The following NRXN3 variants were observed in gnomAD, a reference collection of about 807,000 sequenced individuals.
The protein encoded by NRXN3 is neurexin 3.
Under a neutral mutation model 137.6 loss-of-function variants are expected in NRXN3, and 32 were observed. That is an observed-to-expected ratio of 0.23 (90% CI 0.18 to 0.31). The LOEUF (loss-of-function observed/expected upper bound fraction) is 0.31. NRXN3 is among the 10% of genes least tolerant of loss of function. NRXN3 has a pLI of 1.00. For missense variants in NRXN3, 1,574 were observed against 2,062.5 expected (o/e 0.76, Z 4.59); for synonymous variants, 798 against 784.5 (o/e 1.02, Z -0.29).
intron 16 of NRXN3, among the ~76,000 whole-genome samples, chr14:79,497,098 G>A (rs971536317): frequency 1.2e-4 from 18 of 152,126 alleles, no homozygotes; most frequent in African/African-American, 3.1e-4. Flanking sequence ...AACCTGGTCC[G>A]GACCTTGGGT....
chr14:79,547,089 C>T (rs541435250), intron 16 of NRXN3, among the ~76,000 whole-genome samples: 19 of 152,286 alleles, frequency 1.2e-4, no homozygotes, highest in Admixed American at 2.6e-4. Context: ...CTCCTATAGA[C>T]CAAGCCCTGT....
intron 1 of NRXN3, among the ~76,000 whole-genome samples, chr14:78,173,721 T>TTTTTTTTTTTTTTTTTTTC: frequency 1.4e-5 from 2 of 141,122 alleles, no homozygotes; most frequent in Non-Finnish European, 3.1e-5. Flanking sequence ...TTTTTTTTTT[T>TTTTTTTTTTTTTTTTTTTC]TTTGCAACAC....
intron 15 of NRXN3, among the ~76,000 whole-genome samples, chr14:79,144,594 A>C (rs535021822): frequency 6.6e-6 from 1 of 152,186 alleles, no homozygotes; most frequent in Non-Finnish European, 1.5e-5. Flanking sequence ...AAGATTTTTC[A>C]TTAAGTTTTG....
chr14:78,284,022 A>G (rs1179080316), intron 3 of NRXN3, among the ~76,000 whole-genome samples: 1 of 152,216 alleles, frequency 6.6e-6, no homozygotes, highest in Non-Finnish European at 1.5e-5. Context: ...AACCTACCTC[A>G]TGGAGTTGTT....
intron 15 of NRXN3, among the ~76,000 whole-genome samples, chr14:79,064,553 C>CATT (rs2099678312): frequency 6.6e-6 from 1 of 151,684 alleles, no homozygotes; most frequent in African/African-American, 2.4e-5. Flanking sequence ...AGGGACTGGA[C>CATT]TCAGCATTTT....
At chr14:79,374,623 A>G (rs1334743562) in intron 15 of NRXN3, among the ~76,000 whole-genome samples, 1 of 151,986 alleles carries the variant, frequency 6.6e-6, no homozygotes, top group Non-Finnish European at 1.5e-5. Flanking sequence ...ATCCCTTTGT[A>G]TTGACCTCAA....
chr14:79,340,163 GTGT>G (rs2092519784), intron 15 of NRXN3, among the ~76,000 whole-genome samples: 1 of 5,776 alleles, frequency 1.7e-4, no homozygotes, highest in African/African-American at 3.2e-4. Flanking sequence ...ATTTAAGGGT[GTGT>G]GTGTGTGTGT....
At chr14:78,314,183 G>T (rs1303815726) in intron 4 of NRXN3, among the ~76,000 whole-genome samples, 3 of 152,132 alleles carry the variant, frequency 2.0e-5, no homozygotes, top group African/African-American at 7.2e-5. Context: ...CATTGCAGTG[G>T]TAGCGACTTG....
intron 19 of NRXN3, among the ~76,000 whole-genome samples, chr14:79,734,825 T>C (rs1235219282): frequency 6.6e-6 from 1 of 152,182 alleles, no homozygotes; most frequent in African/African-American, 2.4e-5. Context: ...TGGAATTCAA[T>C]TATAAGTACA....
intron 10 of NRXN3, among the ~76,000 whole-genome samples, chr14:78,939,351 AT>A (rs1451529700): frequency 6.6e-6 from 1 of 152,234 alleles, no homozygotes; most frequent in Non-Finnish European, 1.5e-5. Context: ...GGGGAAAGTG[AT>A]TGGTTCAATA....
At chr14:78,585,824 G>A (rs1161594792) in intron 4 of NRXN3, among the ~76,000 whole-genome samples, 1 of 152,140 alleles carries the variant, frequency 6.6e-6, no homozygotes, top group Non-Finnish European at 1.5e-5. Context: ...CCGTGTCTAG[G>A]AGACACTCTA....
At position 79,361,089 on chromosome 14, in the gene NRXN3, C is replaced by T. The variant is rs907294689; in HGVS notation, c.3263-106132C>T. On this transcript the variant is annotated intron_variant, in intron 15 of 20. Coordinates refer to ENST00000335750, the MANE Select transcript of NRXN3 (RefSeq NM_001330195.2). ...GGTGATTTTTCTCTGAAGGGTAATT[C>T]GAGTACAGAGATATTACTTTGAAGA... is the stretch of plus-strand genomic sequence containing the variant. Among the ~76,000 whole-genome samples, 5 of 151,994 alleles carry T rather than the reference C, an allele frequency of 3.3e-5. No individual in the cohort carries two copies. The South Asian group carries it at 6.2e-4, about 19-fold the overall frequency.
intron 15 of NRXN3, among the ~76,000 whole-genome samples, chr14:79,277,242 T>A (rs1315440033): frequency 6.6e-6 from 1 of 151,972 alleles, no homozygotes; most frequent in Non-Finnish European, 1.5e-5. Context: ...AGAAAAAACT[T>A]CCCACGATCA....
intron 15 of NRXN3, among the ~76,000 whole-genome samples, chr14:79,452,978 A>T (rs1567167995): frequency 1.3e-5 from 2 of 152,204 alleles, no homozygotes; most frequent in African/African-American, 4.8e-5. Context: ...ATAAATAAAA[A>T]TTTGTTTAAT....
At chr14:79,162,264 G>A (rs1416320045) in intron 15 of NRXN3, among the ~76,000 whole-genome samples, 3 of 150,596 alleles carry the variant, frequency 2.0e-5, no homozygotes, top group Non-Finnish European at 3.0e-5. Flanking sequence ...CTAGCATTAG[G>A]TATATCTCCC....
rs559536563 is a variant in NRXN3, at chr14:79,104,450, C to T, written c.3262+116309C>T. Among the ~76,000 whole-genome samples the T allele has an allele frequency of 1.8e-4, 28 of 152,260 alleles. No individual in the cohort carries two copies. In the South Asian group the frequency reaches 4.3e-3, roughly 24 times the overall value. ...CTCCACAGTGGACTTCCAGCCCACT[C>T]GTTCTCTTCTATGATAAAGACTATG... On this transcript the variant is annotated intron_variant, in intron 15 of 20. Transcript: ENST00000335750.
intron 4 of NRXN3, among the ~76,000 whole-genome samples, chr14:78,560,375 A>G (rs540157959): frequency 3.0e-4 from 46 of 152,354 alleles, no homozygotes; most frequent in African/African-American, 1.1e-3. Flanking sequence ...TTCCAGAACT[A>G]CAAACACTTC....
chr14:78,557,222 A>T (rs1329878623), intron 4 of NRXN3, among the ~76,000 whole-genome samples: 4 of 136,558 alleles, frequency 2.9e-5, no homozygotes, highest in South Asian at 2.4e-4. Context: ...ATTTTTTTCT[A>T]TTTTTTTTTT....
At chr14:78,264,592 G>C (rs576515500) in intron 2 of NRXN3, among the ~76,000 whole-genome samples, 2 of 152,192 alleles carry the variant, frequency 1.3e-5, no homozygotes, top group East Asian at 3.9e-4. Context: ...CAGACATCTG[G>C]GGGTGAGGGG....
Sources: gnomAD v4.1 joint callset for allele counts (sites outside exome capture counted in the v4.1 genomes callset) on GRCh38, gnomAD v4.1.1 for gene constraint, MANE v1.5 for transcripts, NCBI Gene and HGNC (gene_info 2026-07-23, HGNC 2026-07-21) for gene names.